Variants in TSGA13 observed in about 807,000 individuals in gnomAD.
TSGA13 encodes the protein testis specific 13, also known as testis-specific gene 13 protein.
A neutral mutation model predicts 35.1 loss-of-function variants in TSGA13; 37 were observed. The observed-to-expected ratio is 1.05, with a 90% CI of 0.81 to 1.39. The LOEUF (loss-of-function observed/expected upper bound fraction) is 1.39. Among genes scored for constraint, TSGA13 ranks in the 40% most tolerant of loss-of-function variants. The pLI is 0.00. For missense variants in TSGA13, 338 were observed against 328.5 expected (o/e 1.03, Z -0.22); for synonymous variants, 124 against 121.2 (o/e 1.02, Z -0.15).
intron 3 of TSGA13, among the ~76,000 whole-genome samples, chr7:130,681,894 G>A (rs1334984484): frequency 2.6e-5 from 4 of 151,992 alleles, no homozygotes; most frequent in Non-Finnish European, 5.9e-5. Context: ...AAAGAAGAGT[G>A]CATCATTATC....
At chr7:130,669,861 A>G (rs1554462697) in intron 7 of TSGA13, among the ~76,000 whole-genome samples, 1 of 152,248 alleles carries the variant, frequency 6.6e-6, no homozygotes, top group Non-Finnish European at 1.5e-5. Context: ...TTTGAAGGAA[A>G]TAGAAGTCTG....
At chr7:130,686,552 G>T (rs977166505), upstream of TSGA13, 9 of 152,040 alleles carry the variant, frequency 5.9e-5, no homozygotes, top group Admixed American at 2.6e-4. Flanking sequence ...TTCTGGAGGA[G>T]ACAGAGGGAA....
In TSGA13 at chr7:130,668,930, A is replaced by G. The variant is rs1796174921; in HGVS notation, c.*84T>C. On this transcript the variant is annotated 3_prime_UTR_variant, in exon 8 of 8. Coordinates refer to ENST00000356588, the MANE Select transcript of TSGA13 (RefSeq NM_052933.4). ...CCCGGGAGCCCACGCCCGCAGCAGC[A>G]GGAATGTGGTTTTATTTGGGTGGCG... is the stretch of plus-strand genomic sequence containing the variant. The G allele has an allele frequency of 4.6e-6, 7 of 1,525,256 alleles. No individual in the cohort carries two copies. In the Middle Eastern group the frequency reaches 7.3e-4, roughly 159 times the overall value. 94.5% of individuals were successfully genotyped at this position (1,525,256 alleles called of 1,614,324 possible).
intron 1 of TSGA13, among the ~76,000 whole-genome samples, chr7:130,685,956 T>C (rs1399027047): frequency 6.6e-6 from 1 of 152,208 alleles, no homozygotes; most frequent in African/African-American, 2.4e-5. Context: ...GGATAGTGTA[T>C]GAAGTAGTCT....
intron 7 of TSGA13, among the ~76,000 whole-genome samples, chr7:130,670,909 G>T (rs1189321632): frequency 1.3e-5 from 2 of 152,112 alleles, no homozygotes; most frequent in African/African-American, 2.4e-5. Flanking sequence ...TTACGGACAC[G>T]CCCAGCCTGT....
chr7:130,669,316 G>A (rs1486136280), intron 7 of TSGA13, 133 bp from the exon 8 acceptor site: 25 of 987,516 alleles, frequency 2.5e-5, no homozygotes, highest in Non-Finnish European at 3.6e-5. Context: ...TTTGGACCGT[G>A]TAATACCATT....
At chr7:130,686,643 T>C (rs1258143265), upstream of TSGA13, 2 of 150,712 alleles carry the variant, frequency 1.3e-5, no homozygotes, top group Non-Finnish European at 2.9e-5. Context: ...CTTAAAGGCA[T>C]ATTTAAACAA....
At chr7:130,681,145 C>A in intron 3 of TSGA13, 128 bp from the exon 4 acceptor site, 1 of 732,738 alleles carries the variant, frequency 1.4e-6, no homozygotes, top group South Asian at 1.9e-5. Context: ...TAGAGAAGTA[C>A]AGTTAGAAGT....
intron 5 of TSGA13, among the ~76,000 whole-genome samples, chr7:130,676,234 G>A (rs1347700594): frequency 6.6e-6 from 1 of 152,192 alleles, no homozygotes; most frequent in Admixed American, 6.5e-5. Context: ...TATTAAAGAG[G>A]CATTGTAGAT....
rs200105542 is a variant in TSGA13, at chr7:130,668,970, C to T, written c.*44G>A. The T allele has an allele frequency of 6.3e-6, 10 of 1,599,636 alleles. No homozygotes were observed. The East Asian group carries it at 2.2e-4, about 36-fold the overall frequency. Reference sequence around the variant, plus strand: ...TTTGGGTGGCGACTTCTGCGGACCCCTCAGTCTCAAGAGAGCGAGGCGGGA... The same window carrying T: ...TTTGGGTGGCGACTTCTGCGGACCCTTCAGTCTCAAGAGAGCGAGGCGGGA... On this transcript the variant is annotated 3_prime_UTR_variant, in exon 8 of 8. Coordinates refer to ENST00000356588, the MANE Select transcript of TSGA13 (RefSeq NM_052933.4).
chr7:130,671,261 T>G (rs960050271), intron 7 of TSGA13, among the ~76,000 whole-genome samples: 3 of 152,184 alleles, frequency 2.0e-5, no homozygotes, highest in African/African-American at 7.2e-5. Flanking sequence ...ATTATAAATT[T>G]GATATAAGTG....
At chr7:130,673,079 C>A (rs1274618668) in intron 5 of TSGA13, among the ~76,000 whole-genome samples, 16 of 152,252 alleles carry the variant, frequency 1.1e-4, no homozygotes, top group African/African-American at 3.6e-4. Flanking sequence ...TGCCAGATTA[C>A]TTGTCCAAAA....
Position 130,669,103 on chromosome 7 carries a change from T to G in TSGA13, c.739A>C (p.Met247Leu). Reference protein sequence around the residue: ...PLTLASLLEDMPTRTAPGESA... With the variant: ...PLTLASLLEDLPTRTAPGESA... Reference sequence around the variant, plus strand: ...TCCCCGGGCGCGGTTCTGGTGGGCATGTCTTCCAAGAGCGATGCGAGTGTC... The same window carrying G: ...TCCCCGGGCGCGGTTCTGGTGGGCAGGTCTTCCAAGAGCGATGCGAGTGTC... Residue 247 changes from methionine (M) to leucine (L), a missense_variant, in exon 8 of 8, where the codon ATG (methionine) becomes CTG (leucine). Physicochemically the swap from Met to Leu is conservative, Grantham distance 15. Transcript: ENST00000356588. 6.2e-7 allele frequency: 1 copy of G among 1,614,248 alleles called. No homozygotes were observed. The highest frequency in any genetic ancestry group is 8.5e-7 in the Non-Finnish European group (1 of 1,180,036).
intron 5 of TSGA13, among the ~76,000 whole-genome samples, chr7:130,676,659 T>G (rs1210915484): frequency 6.6e-6 from 1 of 152,180 alleles, no homozygotes; most frequent in Admixed American, 6.5e-5. Flanking sequence ...GATATTAGCA[T>G]TTTATCTTCC....
rs138404068 is a variant in TSGA13, at chr7:130,671,737, G to A, written c.582C>T (p.Tyr194=). ...ACATTTTCTTCTGTGTCCTCAAAGC[G>A]TAGACTTTTGAATACTTCCCTTCGC... ...FKSEGKYSKV[Y]ALRTQKKMYP... is the part of the protein sequence containing the mutation. Residue 194 remains tyrosine, a synonymous_variant, in exon 7 of 8, where the codon TAC becomes TAT. Transcript: ENST00000356588. 2.6e-5 allele frequency: 42 copies of A among 1,608,944 alleles called. No homozygotes were observed. Among genetic ancestry groups the A allele is most frequent in the African/African-American group, 9.3e-5 (7 of 74,868 alleles).
chr7:130,672,798 G>T lies in TSGA13; in HGVS notation c.466C>A (p.Leu156Met). 1 of 1,613,932 alleles carries T rather than the reference G, an allele frequency of 6.2e-7. No homozygotes were observed. Among genetic ancestry groups the T allele is most frequent in the Non-Finnish European group, 8.5e-7 (1 of 1,179,792 alleles). ...MPQKKKLRSK[L>M]KPIFPLILSD... ...AGTATCAAAGGGAAGATTGGTTTCA[G>T]CTTAGATCTTAACTTTTTTTTCTGA... The change falls in exon 6 of 8, where the codon CTG (leucine) becomes ATG (methionine). Residue 156 changes from leucine (L) to methionine (M), a missense_variant. Leu to Met is a conservative substitution (Grantham distance 15, BLOSUM62 2). Transcript: ENST00000356588.
chr7:130,671,386 A>G (rs1796265076), intron 7 of TSGA13, among the ~76,000 whole-genome samples: 1 of 152,228 alleles, frequency 6.6e-6, no homozygotes, highest in South Asian at 2.1e-4. Context: ...TTAACAGCAA[A>G]TAATACATCA....
Position 130,669,072 on chromosome 7 carries a change from G to A in TSGA13, c.770C>T (p.Ala257Val). ...CTGCGGGGCCCTCCCGTTGCGGAAG[G>A]CGCTCTCCCCGGGCGCGGTTCTGGT... Reference protein sequence around the residue: ...MPTRTAPGESAFRNGRAPQWI... With the variant: ...MPTRTAPGESVFRNGRAPQWI... The change falls in exon 8 of 8, where the codon GCC (alanine) becomes GTC (valine). Residue 257 changes from alanine to valine, a missense_variant. Physicochemically the swap from Ala to Val is moderately conservative, Grantham distance 64 (BLOSUM62 0). Transcript: ENST00000356588. 6.2e-7 allele frequency: 1 copy of A among 1,614,230 alleles called. No homozygotes were observed. The highest frequency in any genetic ancestry group is 8.5e-7 in the Non-Finnish European group (1 of 1,180,042).
chr7:130,681,214 T>C (rs1459971817), intron 3 of TSGA13, among the ~76,000 whole-genome samples, 197 bp from the exon 4 acceptor site: 1 of 152,146 alleles, frequency 6.6e-6, no homozygotes, highest in African/African-American at 2.4e-5. Flanking sequence ...AGACCTGGAT[T>C]CTAAGACCTC....
Sources: gnomAD v4.1 joint callset for allele counts (sites outside exome capture counted in the v4.1 genomes callset) on GRCh38, gnomAD v4.1.1 for gene constraint, MANE v1.5 for transcripts, NCBI Gene and HGNC (gene_info 2026-07-23, HGNC 2026-07-21) for gene names.